PRKCE: variants seen among roughly 807,000 people sequenced by gnomAD.
The protein encoded by PRKCE is protein kinase C epsilon.
A neutral mutation model predicts 85.4 loss-of-function variants in PRKCE; 16 were observed. The ratio of observed to expected loss-of-function variants is 0.19; its 90% confidence interval spans 0.13 to 0.28. The LOEUF (loss-of-function observed/expected upper bound fraction) is 0.28. Ranked by LOEUF, PRKCE falls within the 10% of genes least tolerant of loss-of-function variation. The pLI, the probability that PRKCE is intolerant of heterozygous loss-of-function variation, is 1.00. For missense variants in PRKCE, 573 were observed against 975.2 expected (o/e 0.59, Z 5.49); for synonymous variants, 388 against 371.5 (o/e 1.04, Z -0.51).
intron 1 of PRKCE, among the ~76,000 whole-genome samples, chr2:45,836,969 C>T (rs1690933038): frequency 6.6e-6 from 1 of 152,154 alleles, no homozygotes; most frequent in South Asian, 2.1e-4. Flanking sequence ...GTGGGCTGTC[C>T]CAAGGAAAGG....
chr2:46,131,139 C>T (rs1674408057), intron 11 of PRKCE, among the ~76,000 whole-genome samples: 1 of 152,196 alleles, frequency 6.6e-6, no homozygotes. Flanking sequence ...GCTGAATGGC[C>T]TCAGGAAAAT....
intron 10 of PRKCE, among the ~76,000 whole-genome samples, chr2:46,056,122 G>A (rs1017068230): frequency 6.6e-6 from 1 of 152,182 alleles, no homozygotes; most frequent in South Asian, 2.1e-4. Context: ...CTGTTTCGAG[G>A]ACTGAATCAA....
At chr2:46,126,888 A>G (rs1282806664) in intron 11 of PRKCE, among the ~76,000 whole-genome samples, 2 of 152,224 alleles carry the variant, frequency 1.3e-5, no homozygotes, top group Non-Finnish European at 2.9e-5. Flanking sequence ...GGCTACAGAC[A>G]GCAAAGACCC....
intron 2 of PRKCE, 68 bp downstream of exon 2, chr2:45,843,131 C>A (rs1046501778): frequency 3.8e-6 from 5 of 1,320,260 alleles, no homozygotes; most frequent in Non-Finnish European, 5.3e-6. Flanking sequence ...TCTCTTCTTT[C>A]CCCCCCTTGG....
chr2:46,069,727 G>T (rs1041471853), intron 10 of PRKCE, among the ~76,000 whole-genome samples: 1 of 152,162 alleles, frequency 6.6e-6, no homozygotes, highest in African/African-American at 2.4e-5. Context: ...TTGGTAAAAA[G>T]ATTTTTGAAT....
chr2:46,164,591 G>A (rs532995582), intron 14 of PRKCE, among the ~76,000 whole-genome samples: 7 of 150,626 alleles, frequency 4.6e-5, no homozygotes, highest in African/African-American at 1.2e-4. Flanking sequence ...GACCCGGGGC[G>A]GGGGGTGCCC....
chr2:45,794,857 A>T (rs1188155018), intron 1 of PRKCE, among the ~76,000 whole-genome samples: 1 of 47,160 alleles, frequency 2.1e-5, no homozygotes, highest in Admixed American at 2.3e-4. Context: ...CCCCCCCCCC[A>T]TCCACCATTT....
At chr2:45,837,330 C>T (rs1420086146) in intron 1 of PRKCE, among the ~76,000 whole-genome samples, 5 of 152,218 alleles carry the variant, frequency 3.3e-5, no homozygotes, top group Admixed American at 6.5e-5. Context: ...GATCTTGCCT[C>T]ACTGCAGCCT....
intron 2 of PRKCE, among the ~76,000 whole-genome samples, chr2:45,940,260 G>C (rs1699780373): frequency 6.6e-6 from 1 of 152,160 alleles, no homozygotes; most frequent in Non-Finnish European, 1.5e-5. Flanking sequence ...GGGTAGCTGT[G>C]GCTTCAAGGA....
Position 46,111,165 on chromosome 2 carries a change from T to C in PRKCE, c.1592+24803T>C, listed in dbSNP as rs114695417. Among the ~76,000 whole-genome samples the C allele has an allele frequency of 5.9e-3, 860 of 145,524 alleles. 10 individuals carry two copies. The highest frequency in any genetic ancestry group is 0.02 in the African/African-American group (816 of 40,164). On this transcript the variant is annotated intron_variant, in intron 11 of 14. Coordinates refer to ENST00000306156, the MANE Select transcript of PRKCE (RefSeq NM_005400.3). ...GAGAAGAATGTGAATTCTTATGTTA[T>C]TGGATGGCTATTTTATAAATGTCAA...
intron 1 of PRKCE, among the ~76,000 whole-genome samples, chr2:45,708,508 A>G (rs1331535087): frequency 6.6e-6 from 1 of 152,166 alleles, no homozygotes; most frequent in Non-Finnish European, 1.5e-5. Flanking sequence ...GTTTCCCTGC[A>G]CAAGCTCTCT....
chr2:45,731,794 T>A (rs1681602394), intron 1 of PRKCE, among the ~76,000 whole-genome samples: 1 of 151,930 alleles, frequency 6.6e-6, no homozygotes, highest in African/African-American at 2.4e-5. Context: ...TGGCTAGAAT[T>A]TTTTGTAGAG....
chr2:45,832,480 T>C (rs1690511581), intron 1 of PRKCE, among the ~76,000 whole-genome samples: 1 of 152,030 alleles, frequency 6.6e-6, no homozygotes, highest in African/African-American at 2.4e-5. Context: ...GCCCAGCTAA[T>C]TTTTGTATTT....
At chr2:45,861,454 A>T (rs1693155226) in intron 2 of PRKCE, among the ~76,000 whole-genome samples, 1 of 152,202 alleles carries the variant, frequency 6.6e-6, no homozygotes, top group Non-Finnish European at 1.5e-5. Context: ...TGCATATCTA[A>T]CAGTTATCAA....
intron 6 of PRKCE, among the ~76,000 whole-genome samples, chr2:45,995,105 T>G (rs879657784): frequency 1.3e-5 from 2 of 152,208 alleles, no homozygotes; most frequent in Non-Finnish European, 2.9e-5. Context: ...AGGTGTATGC[T>G]CAAGTCTTTT....
chr2:46,093,525 CT>C (rs1670384176), intron 11 of PRKCE, among the ~76,000 whole-genome samples: 1 of 111,830 alleles, frequency 8.9e-6, no homozygotes, highest in African/African-American at 3.5e-5. Flanking sequence ...TCTTATTGTA[CT>C]TTTCTTTTTT....
intron 14 of PRKCE, among the ~76,000 whole-genome samples, chr2:46,175,360 T>C (rs13405491): frequency 0.22 from 32,717 of 152,138 alleles, 4,137 homozygotes; most frequent in African/African-American, 0.34. Flanking sequence ...AGTTCTCTCC[T>C]GGATCATCCC....
intron 10 of PRKCE, among the ~76,000 whole-genome samples, chr2:46,057,584 C>A (rs1666710098): frequency 6.6e-6 from 1 of 152,054 alleles, no homozygotes; most frequent in Non-Finnish European, 1.5e-5. Flanking sequence ...ACAGGCGCCA[C>A]CACCATGCCC....
chr2:46,073,940 C>T (rs943778291), intron 10 of PRKCE: 1 of 152,140 alleles, frequency 6.6e-6, no homozygotes. Context: ...AACAGATGCT[C>T]TCACGTGTCA....
Sources: allele counts gnomAD v4.1 joint callset (sites outside exome capture counted in the v4.1 genomes callset), GRCh38; gene constraint gnomAD v4.1.1; transcripts MANE v1.5; gene names NCBI Gene and HGNC (gene_info 2026-07-23, HGNC 2026-07-21).